The following PPM1L variants were observed in gnomAD, a reference collection of about 807,000 sequenced individuals.
The protein encoded by PPM1L is protein phosphatase 1L.
Under a neutral mutation model 31.4 loss-of-function variants are expected in PPM1L, and 13 were observed. The ratio of observed to expected loss-of-function variants is 0.41; its 90% CI spans 0.27 to 0.66. The LOEUF (loss-of-function observed/expected upper bound fraction) is 0.66, where lower values mean the gene tolerates loss of function less well. PPM1L is among the 30% of genes least tolerant of loss of function. The pLI is 0.29. For missense variants in PPM1L, 326 were observed against 453.7 expected (o/e 0.72, Z 2.56); for synonymous variants, 184 against 175.4 (o/e 1.05, Z -0.39).
intron 1 of PPM1L, among the ~76,000 whole-genome samples, chr3:160,784,777 G>T (rs569340180): frequency 7.2e-5 from 11 of 152,072 alleles, no homozygotes; most frequent in Non-Finnish European, 1.5e-4. Flanking sequence ...ACTGAATTTT[G>T]TATCAATCAG....
At position 161,069,828 on chromosome 3, in the gene PPM1L, C is replaced by G. The variant is rs758084045; in HGVS notation, c.*671C>G. 2.0e-5 allele frequency: 3 copies of G among 152,466 alleles called. No individual in the cohort carries two copies. Among genetic ancestry groups the G allele is most frequent in the Non-Finnish European group, 4.4e-5 (3 of 68,266 alleles). The allele number at this position is 152,466 out of a possible 1,614,324, so 9.4% of individuals were successfully genotyped here. ...TTGCTTCCTTTAATAGTTAAATAGA[C>G]TTTGTATACCACCTGACCAGCCTTT... is the stretch of plus-strand genomic sequence containing the variant. On this transcript the variant is annotated 3_prime_UTR_variant, in exon 4 of 4. Transcript: ENST00000498165.
chr3:160,824,762 C>G, intron 1 of PPM1L, among the ~76,000 whole-genome samples: 1 of 152,104 alleles, frequency 6.6e-6, no homozygotes, highest in East Asian at 1.9e-4. Context: ...AGAACACGAG[C>G]AGGAGATGGT....
At chr3:160,873,566 G>A (rs1712394868) in intron 1 of PPM1L, among the ~76,000 whole-genome samples, 1 of 148,874 alleles carries the variant, frequency 6.7e-6, no homozygotes, top group South Asian at 2.1e-4. Flanking sequence ...ATTATTATTT[G>A]AGGCAGATTC....
intron 2 of PPM1L, among the ~76,000 whole-genome samples, chr3:161,059,169 A>G (rs1436925112): frequency 1.3e-5 from 2 of 152,180 alleles, no homozygotes; most frequent in African/African-American, 2.4e-5. Flanking sequence ...TGTCCTCATA[A>G]TGACCACTGT....
chr3:161,015,228 C>T (rs897793868), intron 2 of PPM1L, among the ~76,000 whole-genome samples: 3 of 152,134 alleles, frequency 2.0e-5, no homozygotes, highest in African/African-American at 2.4e-5. Flanking sequence ...CCTAAACCAG[C>T]TGGAAAGCTT....
intron 1 of PPM1L, among the ~76,000 whole-genome samples, chr3:160,906,254 C>T (rs186871768): frequency 9.6e-4 from 146 of 152,088 alleles, no homozygotes; most frequent in African/African-American, 3.4e-3. Flanking sequence ...AACAACATAC[C>T]CTAAAAATTA....
At chr3:161,012,165 A>G (rs1293889493) in intron 2 of PPM1L, among the ~76,000 whole-genome samples, 2 of 152,176 alleles carry the variant, frequency 1.3e-5, no homozygotes, top group African/African-American at 4.8e-5. Flanking sequence ...TGTCATAGAT[A>G]GCTCTTATTA....
intron 1 of PPM1L, among the ~76,000 whole-genome samples, chr3:160,834,269 C>T (rs1298469046): frequency 3.3e-5 from 5 of 151,868 alleles, no homozygotes; most frequent in South Asian, 2.1e-4. Flanking sequence ...GTGATCTGCC[C>T]GCCTTGGCCT....
At chr3:160,766,767 T>G (rs1269243153) in intron 1 of PPM1L, among the ~76,000 whole-genome samples, 2 of 151,798 alleles carry the variant, frequency 1.3e-5, no homozygotes, top group African/African-American at 4.8e-5. Flanking sequence ...TCCCTTCTCT[T>G]TCTCTGTTTC....
chr3:160,939,542 G>A (rs960650225), intron 1 of PPM1L: 1 of 152,216 alleles, frequency 6.6e-6, no homozygotes, highest in Non-Finnish European at 1.5e-5. Context: ...ATTGAATCAT[G>A]GGGCCCTGTC....
intron 2 of PPM1L, among the ~76,000 whole-genome samples, chr3:161,058,905 T>C (rs545180731): frequency 1.3e-5 from 2 of 152,290 alleles, no homozygotes; most frequent in South Asian, 4.1e-4. Flanking sequence ...CAAGCTCTAC[T>C]TGTCAAATGA....
intron 2 of PPM1L, among the ~76,000 whole-genome samples, chr3:161,046,430 A>C (rs1291409985): frequency 6.6e-6 from 1 of 152,154 alleles, no homozygotes; most frequent in Non-Finnish European, 1.5e-5. Flanking sequence ...CAGGCTCTGA[A>C]ATTGAGGCAA....
chr3:160,944,813 T>TATATA (rs1559896928), intron 1 of PPM1L, among the ~76,000 whole-genome samples: 325 of 15,560 alleles, frequency 0.021, 94 homozygotes, highest in Non-Finnish European at 0.048. Context: ...ATATATAACA[T>TATATA]ATATATGTTA....
intron 1 of PPM1L, among the ~76,000 whole-genome samples, chr3:160,857,938 C>CT (rs1437487109): frequency 6.6e-6 from 1 of 152,132 alleles, no homozygotes; most frequent in African/African-American, 2.4e-5. Context: ...GTGTGGAAGC[C>CT]TTTTGCAGTG....
Position 160,928,802 on chromosome 3 carries a change from C to T in PPM1L, c.400-32934C>T, listed in dbSNP as rs550187911. ...AGATGGTGCCATCTATGAGAACAGGCCTTCGCCGGAGACTGAACCTGCGAA... is the reference window on the plus strand; with the variant it reads ...AGATGGTGCCATCTATGAGAACAGGTCTTCGCCGGAGACTGAACCTGCGAA... On this transcript the variant is annotated intron_variant, in intron 1 of 3. Transcript: ENST00000498165. Among the ~76,000 whole-genome samples the T allele has an allele frequency of 2.6e-5, 4 of 152,244 alleles. No homozygotes were observed. The South Asian group carries it at 8.3e-4, about 32-fold the overall frequency.
chr3:160,815,668 T>G (rs1167345860), intron 1 of PPM1L, among the ~76,000 whole-genome samples: 1 of 152,196 alleles, frequency 6.6e-6, no homozygotes, highest in Non-Finnish European at 1.5e-5. Context: ...TCCATCATAA[T>G]ATAGTATCTA....
At chr3:161,030,142 G>A (rs997691201) in intron 2 of PPM1L, among the ~76,000 whole-genome samples, 1 of 152,164 alleles carries the variant, frequency 6.6e-6, no homozygotes, top group African/African-American at 2.4e-5. Flanking sequence ...GTCTAAACAT[G>A]CCTCCCCACC....
At chr3:160,889,173 A>G (rs1236334447) in intron 1 of PPM1L, among the ~76,000 whole-genome samples, 1 of 152,214 alleles carries the variant, frequency 6.6e-6, no homozygotes, top group East Asian at 1.9e-4. Flanking sequence ...TGAAGTAGAT[A>G]GAGACATGAA....
At chr3:160,875,610 G>T (rs551022708) in intron 1 of PPM1L, among the ~76,000 whole-genome samples, 1 of 152,238 alleles carries the variant, frequency 6.6e-6, no homozygotes. Flanking sequence ...AGAAGTTATT[G>T]AGGATTTACT....
Sources: allele counts gnomAD v4.1 joint callset (sites outside exome capture counted in the v4.1 genomes callset), GRCh38; gene constraint gnomAD v4.1.1; transcripts MANE v1.5; gene names NCBI Gene and HGNC (gene_info 2026-07-23, HGNC 2026-07-21).